SIVA1: variants seen among roughly 807,000 people sequenced by gnomAD.
SIVA1 encodes the protein apoptosis regulatory protein Siva.
Under a neutral mutation model 19.7 loss-of-function variants are expected in SIVA1, and 10 were observed. That is an observed-to-expected ratio of 0.51 (90% CI 0.31 to 0.86). The LOEUF (loss-of-function observed/expected upper bound fraction) is 0.86. Among genes scored for constraint, SIVA1 ranks in the 40% least tolerant of loss-of-function variants. The probability of loss-of-function intolerance (pLI) is 0.04; values close to 1 mark genes in which losing one functional copy is unlikely to be tolerated. For missense variants in SIVA1, 241 were observed against 245.2 expected (o/e 0.98, Z 0.11); for synonymous variants, 130 against 106.1 (o/e 1.23, Z -1.39).
At position 104,753,215 on chromosome 14, in the gene SIVA1, G is replaced by C. The variant is rs1171095283; in HGVS notation, c.14G>C (p.Ser5Thr). Residue 5 changes from serine (S) to threonine (T), a missense_variant, in exon 1 of 4, where the codon AGC (serine) becomes ACC (threonine). Ser to Thr is a moderately conservative substitution (Grantham distance 58, BLOSUM62 1). Transcript: ENST00000329967. ...GGCCCCGCGGCCATGCCCAAGCGGAGCTGCCCCTTCGCGGACGTGGCCCCG... is the reference window on the plus strand; with the variant it reads ...GGCCCCGCGGCCATGCCCAAGCGGACCTGCCCCTTCGCGGACGTGGCCCCG... MPKR[S>T]CPFADVAPLQ... is the part of the protein sequence containing the mutation. The C allele has an allele frequency of 1.3e-6, 2 of 1,577,450 alleles. No homozygotes were observed. Among genetic ancestry groups the C allele is most frequent in the African/African-American group, 1.4e-5 (1 of 72,942 alleles).
In SIVA1 at chr14:104,753,188, C is replaced by T. The variant is rs888792498; in HGVS notation, c.-14C>T. 7 of 1,542,158 alleles carry T rather than the reference C, an allele frequency of 4.5e-6. No homozygotes were observed. The highest frequency in any genetic ancestry group is 4.2e-5 in the African/African-American group (3 of 71,528). On this transcript the variant is annotated 5_prime_UTR_variant, in exon 1 of 4. Coordinates refer to ENST00000329967, the MANE Select transcript of SIVA1 (RefSeq NM_006427.4). Reference sequence around the variant, plus strand: ...TGGCGGCCGGGGAGCTGCGTAGCTCCCGGCCCCGCGGCCATGCCCAAGCGG... The same window carrying T: ...TGGCGGCCGGGGAGCTGCGTAGCTCTCGGCCCCGCGGCCATGCCCAAGCGG...
At chr14:104,755,592 C>T (rs1232287088) in intron 1 of SIVA1, 38 bp from the exon 2 acceptor site, 1 of 1,575,372 alleles carries the variant, frequency 6.3e-7, no homozygotes, top group Non-Finnish European at 8.7e-7. Context: ...TTCGTTGGTA[C>T]ACAGTGAAGG....
chr14:104,755,738 C>CA lies in SIVA1; in HGVS notation c.228dup (p.Gly77ArgfsTer29). 6.2e-7 allele frequency: 1 copy of CA among 1,614,124 alleles called. No individual in the cohort carries two copies. The highest frequency in any genetic ancestry group is 8.5e-7 in the Non-Finnish European group (1 of 1,179,988). On this transcript the variant is annotated frameshift_variant, in exon 2 of 4. Coordinates refer to ENST00000329967, the MANE Select transcript of SIVA1 (RefSeq NM_006427.4). LOFTEE classifies it high-confidence loss of function. ...CCAGAGTCCCCAAAGCCTGGCCCTA[C>CA]AGGGGCCCCGAGGGCTGCACGTGGG...
chr14:104,757,169 G>T, intron 3 of SIVA1: 1 of 341,732 alleles, frequency 2.9e-6, no homozygotes. Context: ...ACCCTCTCAG[G>T]CAGGAAGTGG....
In SIVA1 at chr14:104,753,309, G is replaced by A. The variant is rs1461232698; in HGVS notation, c.108G>A (p.Gln36=). 2.5e-6 allele frequency: 4 copies of A among 1,597,858 alleles called. No homozygotes were observed. In the South Asian group the frequency reaches 4.5e-5, roughly 18 times the overall value. The change falls in exon 1 of 4, where the codon CAG becomes CAA. Residue 36 remains glutamine (Q), a synonymous_variant. Coordinates refer to ENST00000329967, the MANE Select transcript of SIVA1 (RefSeq NM_006427.4). ...SRGVCAERYS[Q]EVFEKTKRLL... is the part of the protein sequence containing the mutation. The stretch of plus-strand genomic sequence containing the variant: ...GCGTGTGCGCCGAGCGCTACTCGCA[G>A]GAGGTCTTCGGTGAGTGTCGGGCGG...
At chr14:104,753,402 GC>G (rs1891772422) in intron 1 of SIVA1, 83 bp downstream of exon 1, 9 of 941,276 alleles carry the variant, frequency 9.6e-6, no homozygotes, top group Non-Finnish European at 1.4e-5. Flanking sequence ...TGAGGCCTGA[GC>G]GGGGGGCTGG....
At position 104,755,761 on chromosome 14, in the gene SIVA1, G is replaced by A. The variant is rs1299118222; in HGVS notation, c.250G>A (p.Gly84Arg). ...TACAGGGGCCCCGAGGGCTGCACGT[G>A]GGCAGATGCTGATTGGACCAGACGG... Reference protein sequence around the residue: ...GPTGAPRAARGQMLIGPDGRL... With the variant: ...GPTGAPRAARRQMLIGPDGRL... Residue 84 changes from glycine (G) to arginine (R), a missense_variant, in exon 2 of 4, where the codon GGG (glycine) becomes AGG (arginine). Transcript: ENST00000329967. 1.2e-6 allele frequency: 2 copies of A among 1,614,016 alleles called. No homozygotes were observed. Among genetic ancestry groups the A allele is most frequent in the African/African-American group, 2.7e-5 (2 of 74,950 alleles).
In SIVA1 at chr14:104,755,870, G is replaced by A. The variant is rs1469447496; in HGVS notation, c.313+46G>A. ...TTTGTGGCTGTGGCACTGAGGGCAG[G>A]TGGTGGCACGAGCATTTTTCTTGAT... On this transcript the variant is annotated intron_variant, in intron 2 of 3. Transcript: ENST00000329967. The A allele has an allele frequency of 9.0e-6, 14 of 1,547,258 alleles. No individual in the cohort carries two copies. In the African/African-American group the frequency reaches 1.5e-4, roughly 17 times the overall value.
chr14:104,756,424 A>G, intron 2 of SIVA1, 180 bp from the exon 3 acceptor site: 4 of 632,998 alleles, frequency 6.3e-6, no homozygotes, highest in Non-Finnish European at 1.1e-5. Context: ...TCTGTAGTAA[A>G]ACGGGGGTCC....
In SIVA1 at chr14:104,759,452, G is replaced by C; in HGVS notation, c.495G>C (p.Val165=). ...GCTGCAGTGACATGTACGAGAAAGT[G>C]CTGTGCACCAGCTGTGCCATGTTCG... The part of the protein sequence containing the change: ...LVDCSDMYEK[V]LCTSCAMFET The change falls in exon 4 of 4, where the codon GTG becomes GTC. Residue 165 remains valine, a synonymous_variant. Coordinates refer to ENST00000329967, the MANE Select transcript of SIVA1 (RefSeq NM_006427.4). This position sits in a 1 kb window ranked among gnomAD's most constrained non-coding sequence, Gnocchi z 4.2. 3 of 1,613,030 alleles carry C rather than the reference G, an allele frequency of 1.9e-6. No homozygotes were observed. The highest frequency in any genetic ancestry group is 2.5e-6 in the Non-Finnish European group (3 of 1,179,944).
chr14:104,753,393 G>C, intron 1 of SIVA1, 74 bp downstream of exon 1: 1 of 1,035,954 alleles, frequency 9.7e-7, no homozygotes, highest in Non-Finnish European at 1.4e-6. Context: ...CGTCCCCTCT[G>C]AGGCCTGAGC....
Position 104,753,307 on chromosome 14 carries a change from C to T in SIVA1, c.106C>T (p.Gln36Ter). Reference sequence around the variant, plus strand: ...CGGCGTGTGCGCCGAGCGCTACTCGCAGGAGGTCTTCGGTGAGTGTCGGGC... The same window carrying T: ...CGGCGTGTGCGCCGAGCGCTACTCGTAGGAGGTCTTCGGTGAGTGTCGGGC... The part of the protein sequence containing the change: ...SRGVCAERYS[Q>*]EVFEKTKRLL... The change falls in exon 1 of 4, where the codon CAG (glutamine) becomes TAG (stop). Residue 36 changes from glutamine to a stop codon, truncating the protein, a stop_gained. Coordinates refer to ENST00000329967, the MANE Select transcript of SIVA1 (RefSeq NM_006427.4). LOFTEE classifies it high-confidence loss of function. The T allele has an allele frequency of 6.3e-7, 1 of 1,598,548 alleles. No individual in the cohort carries two copies. Among genetic ancestry groups the T allele is most frequent in the South Asian group, 1.1e-5 (1 of 89,344 alleles).
At chr14:104,757,074 C>T (rs1208105129) in intron 3 of SIVA1, 6 of 436,056 alleles carry the variant, frequency 1.4e-5, no homozygotes, top group African/African-American at 1.0e-4. Context: ...TTGAGCCCCC[C>T]CTCCCCCCGT....
rs779165202 is a variant in SIVA1 at position 104,755,796 on chromosome 14, C to G, written c.285C>G (p.Ile95Met). 2.2e-5 allele frequency: 35 copies of G among 1,613,800 alleles called. No individual in the cohort carries two copies. Among genetic ancestry groups the G allele is most frequent in the Non-Finnish European group, 2.8e-5 (33 of 1,179,990 alleles). Residue 95 changes from isoleucine (I) to methionine (M), a missense_variant, in exon 2 of 4, where the codon ATC (isoleucine) becomes ATG (methionine). Physicochemically the swap from Ile to Met is conservative, Grantham distance 10. Transcript: ENST00000329967. The stretch of plus-strand genomic sequence containing the variant: ...TGATTGGACCAGACGGCCGCCTGAT[C>G]AGGAGCCTTGGGCAGGCCTCCGAAG... ...QMLIGPDGRLIRSLGQASEAD... is the reference protein window; with the variant it reads ...QMLIGPDGRLMRSLGQASEAD...
At chr14:104,753,793 C>T (rs1046152652) in intron 1 of SIVA1, 5 of 454,468 alleles carry the variant, frequency 1.1e-5, no homozygotes, top group African/African-American at 1.0e-4. Flanking sequence ...AGACCAAAGG[C>T]AGGCAAGACA....
intron 1 of SIVA1, among the ~76,000 whole-genome samples, 173 bp from the exon 2 acceptor site, chr14:104,755,457 A>G (rs1891851806): frequency 6.6e-6 from 1 of 152,214 alleles, no homozygotes; most frequent in South Asian, 2.1e-4. Context: ...TTCTCAGCAT[A>G]GAGGCAGAGC....
At chr14:104,755,597 T>G in intron 1 of SIVA1, 33 bp from the exon 2 acceptor site, 1 of 1,592,470 alleles carries the variant, frequency 6.3e-7, no homozygotes, top group Non-Finnish European at 8.6e-7. Context: ...TGGTACACAG[T>G]GAAGGACGTG....
rs1361037652 is a variant in SIVA1, at chr14:104,753,225, C to A, written c.24C>A (p.Phe8Leu). 5 of 1,582,374 alleles carry A rather than the reference C, an allele frequency of 3.2e-6. No homozygotes were observed. The highest frequency in any genetic ancestry group is 1.1e-5 in the South Asian group (1 of 87,296). Residue 8 changes from phenylalanine (F) to leucine (L), a missense_variant, in exon 1 of 4, where the codon TTC becomes TTA. Coordinates refer to ENST00000329967, the MANE Select transcript of SIVA1 (RefSeq NM_006427.4). ...CCATGCCCAAGCGGAGCTGCCCCTT[C>A]GCGGACGTGGCCCCGCTACAGCTCA... MPKRSCP[F>L]ADVAPLQLKV...
At chr14:104,756,353 A>G (rs571466187) in intron 2 of SIVA1, 108 of 570,032 alleles carry the variant, frequency 1.9e-4, no homozygotes, top group Middle Eastern at 4.7e-4. Context: ...TAGCAGAGGG[A>G]CCTGGTAAGG....
Sources: gnomAD v4.1 joint callset for allele counts (sites outside exome capture counted in the v4.1 genomes callset) on GRCh38, gnomAD v4.1.1 for gene constraint, Gnocchi (gnomAD v3.1) non-coding constraint, MANE v1.5 for transcripts, NCBI Gene and HGNC (gene_info 2026-07-23, HGNC 2026-07-21) for gene names.